Variants in CIZ1 observed in about 807,000 individuals in gnomAD.
CIZ1 encodes the protein cip1-interacting zinc finger protein.
In CIZ1, 58 loss-of-function variants were observed where a neutral mutation model predicts 118.6. The observed-to-expected ratio is 0.49, with a 90% confidence interval of 0.40 to 0.61. CIZ1 has a LOEUF of 0.61. Ranked by LOEUF, CIZ1 falls within the 20% of genes least tolerant of loss-of-function variation. The pLI is 0.00. For missense variants in CIZ1, 921 were observed against 1,115.9 expected (o/e 0.83, Z 2.49); for synonymous variants, 448 against 443.4 (o/e 1.01, Z -0.13).
chr9:128,191,679 G>T (rs10987917), upstream of CIZ1: 2,836 of 1,286,858 alleles, frequency 2.2e-3, 55 homozygotes, highest in African/African-American at 0.04. This position sits in a 1 kb window ranked among gnomAD's most constrained non-coding sequence, Gnocchi z 5.5. Flanking sequence ...AGTCACGCTG[G>T]GGGGCGGCTG....
In CIZ1 at chr9:128,203,260, A is replaced by T. The variant is rs4240427; in HGVS notation, c.-6+926T>A. The T allele has an allele frequency of 4.7e-6, 1 of 214,722 alleles. No individual in the cohort carries two copies. The highest frequency in any genetic ancestry group is 8.8e-6 in the Non-Finnish European group (1 of 113,582). 13.3% of individuals were successfully genotyped at this position (214,722 alleles called of 1,614,324 possible). The stretch of plus-strand genomic sequence containing the variant: ...GAAGGTGAAAACTACGACACCCATG[A>T]TGCCCCGGACGGCGCCTGCGCACGG... On this transcript the variant is annotated intron_variant, in intron 1 of 17. Coordinates refer to the CIZ1 transcript ENST00000372948. This position sits in a 1 kb window ranked among gnomAD's most constrained non-coding sequence, Gnocchi z 5.3.
upstream of CIZ1, among the ~76,000 whole-genome samples, chr9:128,192,791 C>A (rs1040433673): frequency 9.9e-5 from 15 of 152,258 alleles, no homozygotes; most frequent in African/African-American, 3.6e-4. Context: ...GATTCGCCTG[C>A]CTTGGCCTCC....
Position 128,169,395 on chromosome 9 carries a change from G to A in CIZ1, c.2145+11C>T, listed in dbSNP as rs1829852160. 6.2e-7 allele frequency: 1 copy of A among 1,606,490 alleles called. No homozygotes were observed. The highest frequency in any genetic ancestry group is 8.5e-7 in the Non-Finnish European group (1 of 1,173,150). On this transcript the variant is annotated intron_variant, in intron 13 of 16. Transcript: ENST00000372938. The stretch of plus-strand genomic sequence containing the variant: ...CTCTGGGCCCATGTCCTCTGAGGGA[G>A]CTCAGGTTACCTCCTTGGCTTTGTC...
chr9:128,200,501 T>C (rs1448195184), intron 1 of CIZ1, among the ~76,000 whole-genome samples: 1 of 151,424 alleles, frequency 6.6e-6, no homozygotes, highest in Non-Finnish European at 1.5e-5. Context: ...CTACTAAAAA[T>C]ACAAAAATTA....
chr9:128,184,294 T>C (rs970260930), intron 5 of CIZ1, among the ~76,000 whole-genome samples: 1 of 152,142 alleles, frequency 6.6e-6, no homozygotes, highest in Non-Finnish European at 1.5e-5. Context: ...GATTTTGTAG[T>C]TTTTAAAAAA....
intron 4 of CIZ1, among the ~76,000 whole-genome samples, chr9:128,186,391 C>T (rs992725524): frequency 1.3e-5 from 2 of 152,028 alleles, no homozygotes; most frequent in Non-Finnish European, 2.9e-5. Context: ...CTCTCTTTGC[C>T]CTATTCCATG....
At chr9:128,169,261 T>TTGCC in intron 13 of CIZ1, 60 bp from the exon 14 acceptor site, 1 of 1,099,816 alleles carries the variant, frequency 9.1e-7, no homozygotes, top group Non-Finnish European at 1.3e-6. Flanking sequence ...GGCCATGCCC[T>TTGCC]ACCCACCCCA....
At chr9:128,170,975 A>G (rs1830047992) in intron 11 of CIZ1, among the ~76,000 whole-genome samples, 1 of 151,742 alleles carries the variant, frequency 6.6e-6, no homozygotes, top group Non-Finnish European at 1.5e-5. Context: ...AACATAAAAA[A>G]CATTAGCTGG....
At chr9:128,173,742 T>C (rs575257627) in intron 11 of CIZ1, among the ~76,000 whole-genome samples, 10 of 151,938 alleles carry the variant, frequency 6.6e-5, no homozygotes, top group East Asian at 5.9e-4. Context: ...CATGGTGGCT[T>C]GCACCTGTAA....
Position 128,166,347 on chromosome 9 carries a change from T to G in CIZ1, c.2547A>C (p.Ala849=). The G allele has an allele frequency of 6.4e-7, 1 of 1,563,608 alleles. No individual in the cohort carries two copies. Among genetic ancestry groups the G allele is most frequent in the Non-Finnish European group, 8.7e-7 (1 of 1,153,588 alleles). The change falls in exon 17 of 17, where the codon GCA becomes GCC. Residue 849 remains alanine (A), a synonymous_variant. Transcript: ENST00000372938. The surrounding 1 kb of genome is among the most constrained non-coding windows in gnomAD (Gnocchi z 4.4). ...PTTRPVSRRC[A]INARNALTAL... Reference sequence around the variant, plus strand: ...CTGTCAAAGCGTTCCGGGCGTTGATTGCGCACCGGCGGCTCACAGGTCGGG... The same window carrying G: ...CTGTCAAAGCGTTCCGGGCGTTGATGGCGCACCGGCGGCTCACAGGTCGGG...
intron 4 of CIZ1, among the ~76,000 whole-genome samples, chr9:128,186,369 C>T (rs45598041): frequency 0.025 from 3,718 of 151,726 alleles, 163 homozygotes; most frequent in African/African-American, 0.084. Flanking sequence ...CTGGGGTATT[C>T]CTCATTCCTC....
chr9:128,192,107 C>G (rs1168638150), upstream of CIZ1, among the ~76,000 whole-genome samples: 1 of 152,038 alleles, frequency 6.6e-6, no homozygotes, highest in Non-Finnish European at 1.5e-5. Flanking sequence ...CAAAAAATAG[C>G]CCTAGGGGCC....
At chr9:128,186,714 C>A (rs1001617294) in intron 4 of CIZ1, among the ~76,000 whole-genome samples, 3 of 152,164 alleles carry the variant, frequency 2.0e-5, no homozygotes, top group African/African-American at 7.2e-5. Context: ...CCCCACATGT[C>A]CCCACTATAT....
At chr9:128,168,951 C>A in intron 14 of CIZ1, 101 bp downstream of exon 14, 1 of 1,548,786 alleles carries the variant, frequency 6.5e-7, no homozygotes, top group Admixed American at 1.8e-5. Flanking sequence ...TTAGTGCCCA[C>A]AGATGCCAGC....
chr9:128,181,326 C>T (rs1335211590), intron 5 of CIZ1, among the ~76,000 whole-genome samples: 2 of 152,118 alleles, frequency 1.3e-5, no homozygotes, highest in Non-Finnish European at 2.9e-5. Context: ...ATGTTGGCCA[C>T]GCTGGTATCT....
In CIZ1 at chr9:128,187,389, T is replaced by C. The variant is rs1274516345; in HGVS notation, c.358+474A>G. ...AGCACAGGGGTTAAAGGTTAAAGCA[T>C]GGCGTGCTGTGAGCGCTGGGTTCAA... is the stretch of plus-strand genomic sequence containing the variant. On this transcript the variant is annotated intron_variant, in intron 4 of 16. Transcript: ENST00000372938. Among the ~76,000 whole-genome samples the C allele has an allele frequency of 2.6e-5, 4 of 152,340 alleles. No individual in the cohort carries two copies. The East Asian group carries it at 7.7e-4, about 29-fold the overall frequency.
chr9:128,170,157 A>T, intron 11 of CIZ1, 50 bp from the exon 12 acceptor site: 2 of 1,502,092 alleles, frequency 1.3e-6, no homozygotes, highest in Non-Finnish European at 1.9e-6. Context: ...GAAAGACAGC[A>T]GCTGTCTGAG....
Position 128,203,673 on chromosome 9 carries a change from G to C in CIZ1, c.-6+513C>G. On this transcript the variant is annotated intron_variant, in intron 1 of 17. Transcript: ENST00000372948. This position sits in a 1 kb window ranked among gnomAD's most constrained non-coding sequence, Gnocchi z 5.3. ...CCCAGGCGCCGACCCCCGACCCCCGGGATCCCTGGAGTCCCCGCCCGGGGC... is the reference window on the plus strand; with the variant it reads ...CCCAGGCGCCGACCCCCGACCCCCGCGATCCCTGGAGTCCCCGCCCGGGGC... 1.4e-6 allele frequency: 2 copies of C among 1,471,380 alleles called. No individual in the cohort carries two copies. Among genetic ancestry groups the C allele is most frequent in the Non-Finnish European group, 1.8e-6 (2 of 1,117,202 alleles). The allele number at this position is 1,471,380 out of a possible 1,614,324, so 91.1% of individuals were successfully genotyped here.
chr9:128,178,944 C>T lies in CIZ1; in HGVS notation c.1263G>A (p.Leu421=). Residue 421 remains leucine (L), a synonymous_variant, in exon 8 of 17, where the codon CTG becomes CTA. Transcript: ENST00000372938. The stretch of plus-strand genomic sequence containing the variant: ...GTGTCTGGACCTGCTTCTGCAGCTG[C>T]AGCTGCACCTGCCTTGGGGGCTGTG... The part of the protein sequence containing the change: ...AHSQPPRQVQ[L]QLQKQVQTQT... The T allele has an allele frequency of 6.2e-7, 1 of 1,613,600 alleles. No individual in the cohort carries two copies. Among genetic ancestry groups the T allele is most frequent in the Non-Finnish European group, 8.5e-7 (1 of 1,179,948 alleles).
Sources: allele counts gnomAD v4.1 joint callset (sites outside exome capture counted in the v4.1 genomes callset), GRCh38; gene constraint gnomAD v4.1.1; non-coding constraint Gnocchi (gnomAD v3.1); transcripts MANE v1.5; gene names NCBI Gene and HGNC (gene_info 2026-07-23, HGNC 2026-07-21).